The following CTDSPL2 variants were observed in gnomAD, a reference collection of about 807,000 sequenced individuals.
CTDSPL2 encodes CTD small phosphatase like 2, also known as CTD small phosphatase-like protein 2.
CTDSPL2 carries 5 observed loss-of-function variants against 60.0 expected under a neutral mutation model. The ratio of observed to expected loss-of-function variants is 0.08; its 90% confidence interval spans 0.04 to 0.18. The LOEUF (loss-of-function observed/expected upper bound fraction) is 0.18, where lower values mean the gene tolerates loss of function less well. CTDSPL2 is among the 10% of genes least tolerant of loss of function. The pLI, the probability that CTDSPL2 is intolerant of heterozygous loss-of-function variation, is 1.00. For synonymous variants in CTDSPL2, 186 were observed against 189.3 expected (o/e 0.98, Z 0.14); for missense variants, 370 against 548.8 (o/e 0.67, Z 3.26).
rs749019424 is a variant in CTDSPL2 at position 44,486,685 on chromosome 15, C to A, written c.460C>A (p.Pro154Thr). ...TTCACCTGTCTTCAACTTTTTTTCACCAGCAAATAAAAATGGTAAGTATAA... is the reference window on the plus strand; with the variant it reads ...TTCACCTGTCTTCAACTTTTTTTCAACAGCAAATAAAAATGGTAAGTATAA... Reference protein sequence around the residue: ...IFSPVFNFFSPANKNGTSGSD... With the variant: ...IFSPVFNFFSTANKNGTSGSD... The change falls in exon 4 of 13, where the codon CCA becomes ACA. Residue 154 changes from proline to threonine, a missense_variant. This residue lies in a region of CTDSPL2 where 287 missense variants were observed against 296.1 expected (regional missense o/e 0.97). Coordinates refer to ENST00000260327, the MANE Select transcript of CTDSPL2 (RefSeq NM_016396.3). 8.8e-6 allele frequency: 14 copies of A among 1,582,010 alleles called. No individual in the cohort carries two copies. Among genetic ancestry groups the A allele is most frequent in the Non-Finnish European group, 1.2e-5 (14 of 1,169,022 alleles).
At chr15:44,501,865 T>TA in intron 8 of CTDSPL2, 1 of 386,644 alleles carries the variant, frequency 2.6e-6, no homozygotes. Context: ...TTCTGTCTTT[T>TA]AAAAAATAAA....
chr15:44,471,771 T>C (rs1346648100), intron 2 of CTDSPL2, among the ~76,000 whole-genome samples: 1 of 152,104 alleles, frequency 6.6e-6, no homozygotes, highest in African/African-American at 2.4e-5. Context: ...CTCCTAAATT[T>C]CCCCTTCCTC....
At chr15:44,511,639 CG>C (rs936394093) in intron 8 of CTDSPL2, among the ~76,000 whole-genome samples, 4 of 151,938 alleles carry the variant, frequency 2.6e-5, no homozygotes, top group African/African-American at 9.7e-5. Context: ...GAGGCCGAGG[CG>C]GGGAGATCAC....
chr15:44,456,916 G>A (rs1443862395), intron 1 of CTDSPL2, among the ~76,000 whole-genome samples: 4 of 134,972 alleles, frequency 3.0e-5, no homozygotes, highest in Admixed American at 1.7e-4. Flanking sequence ...TCTCACTGTC[G>A]CCCAGGCTGG....
chr15:44,481,747 A>G (rs551625898), intron 2 of CTDSPL2, among the ~76,000 whole-genome samples: 5 of 152,110 alleles, frequency 3.3e-5, no homozygotes, highest in Admixed American at 2.0e-4. Context: ...CTAATTTTGT[A>G]TTTTTAGTAG....
chr15:44,456,856 T>TTTTTTTTTTCTTTTTTTTTTTG (rs1374490824), intron 1 of CTDSPL2, among the ~76,000 whole-genome samples: 2 of 150,934 alleles, frequency 1.3e-5, no homozygotes, highest in South Asian at 4.2e-4. Context: ...TTTAGATCTT[T>TTTTTTTTTTCTTTTTTTTTTTG]TTTTTTTTTC....
chr15:44,464,226 C>T (rs1346477744), intron 2 of CTDSPL2, among the ~76,000 whole-genome samples: 59 of 152,144 alleles, frequency 3.9e-4, no homozygotes, highest in Admixed American at 3.7e-3. Flanking sequence ...GCACTGTCCT[C>T]AGTGTTTAAA....
At chr15:44,496,853 C>T (rs1287359865) in intron 6 of CTDSPL2, among the ~76,000 whole-genome samples, 174 bp from the exon 7 acceptor site, 2 of 152,098 alleles carry the variant, frequency 1.3e-5, no homozygotes, top group Non-Finnish European at 2.9e-5. Context: ...ACAAAAACAG[C>T]TGTTACTATT....
At chr15:44,476,342 A>T (rs1238324870) in intron 2 of CTDSPL2, among the ~76,000 whole-genome samples, 1 of 152,184 alleles carries the variant, frequency 6.6e-6, no homozygotes, top group African/African-American at 2.4e-5. Flanking sequence ...CTGGGATTAC[A>T]GTCGCGAGCC....
intron 3 of CTDSPL2, 125 bp downstream of exon 3, chr15:44,484,487 C>T (rs1480868032): frequency 1.1e-6 from 1 of 924,904 alleles, no homozygotes; most frequent in Non-Finnish European, 1.6e-6. Flanking sequence ...GTAATCCTCA[C>T]ATTTTGGGAG....
intron 3 of CTDSPL2, among the ~76,000 whole-genome samples, chr15:44,484,740 A>AAAAAC (rs1297144319): frequency 1.3e-5 from 2 of 152,214 alleles, no homozygotes; most frequent in Non-Finnish European, 2.9e-5. Flanking sequence ...ACTCTGTCTC[A>AAAAAC]AAAACAAAAC....
At chr15:44,504,311 C>T (rs769032738) in intron 8 of CTDSPL2, among the ~76,000 whole-genome samples, 83 of 152,094 alleles carry the variant, frequency 5.5e-4, no homozygotes, top group Non-Finnish European at 1.1e-3. Flanking sequence ...GATTGCGCCA[C>T]TGCACTCCAG....
At chr15:44,473,126 T>C (rs1015251610) in intron 2 of CTDSPL2, among the ~76,000 whole-genome samples, 4 of 151,850 alleles carry the variant, frequency 2.6e-5, no homozygotes, top group Middle Eastern at 3.2e-3. Flanking sequence ...TAGATACAAG[T>C]CCCTTTTCAG....
Position 44,449,807 on chromosome 15 carries a change from A to G in CTDSPL2, c.-24-9184A>G, listed in dbSNP as rs143844319. ...GGAGTTCAAGACCAGCCTGGCCAAC[A>G]TGGCAAAACCTCGTCTCTACTAAAA... On this transcript the variant is annotated intron_variant, in intron 1 of 12. Coordinates refer to ENST00000260327, the MANE Select transcript of CTDSPL2 (RefSeq NM_016396.3). Among the ~76,000 whole-genome samples, 658 of 152,240 alleles carry G rather than the reference A, an allele frequency of 4.3e-3. 4 individuals carry two copies. Among genetic ancestry groups the G allele is most frequent in the African/African-American group, 0.015 (637 of 41,558 alleles).
chr15:44,526,378 C>T lies in CTDSPL2; in HGVS notation c.*2204C>T, dbSNP rs1037362267. The T allele has an allele frequency of 3.9e-5, 6 of 152,150 alleles. No homozygotes were observed. Among genetic ancestry groups the T allele is most frequent in the Non-Finnish European group, 8.8e-5 (6 of 67,988 alleles). 9.4% of individuals were successfully genotyped at this position (152,150 alleles called of 1,614,324 possible). ...AAAGGGAAATGTAAGCACCTATACT[C>T]TTGTGCCTGTGGGCACTTCAATAAT... On this transcript the variant is annotated 3_prime_UTR_variant, in exon 13 of 13. Coordinates refer to ENST00000260327, the MANE Select transcript of CTDSPL2 (RefSeq NM_016396.3).
chr15:44,451,441 C>G (rs2080333125), intron 1 of CTDSPL2, among the ~76,000 whole-genome samples: 2 of 152,050 alleles, frequency 1.3e-5, no homozygotes, highest in Admixed American at 6.6e-5. Context: ...ATTTTATAAT[C>G]AGAGAAAAGG....
intron 8 of CTDSPL2, 35 bp downstream of exon 8, chr15:44,499,848 T>G: frequency 8.3e-7 from 1 of 1,202,158 alleles, no homozygotes; most frequent in Non-Finnish European, 1.2e-6. Flanking sequence ...TTTGGCCTGA[T>G]AGGTAACATT....
At chr15:44,445,630 AGCTTTTTTTTT>A (rs1480114546) in intron 1 of CTDSPL2, among the ~76,000 whole-genome samples, 4 of 149,728 alleles carry the variant, frequency 2.7e-5, no homozygotes, top group Non-Finnish European at 4.4e-5. Context: ...TTGAAAACAC[AGCTTTTTTTTT>A]GCTTTTTTTT....
intron 5 of CTDSPL2, among the ~76,000 whole-genome samples, chr15:44,495,979 C>T (rs1345581729): frequency 1.3e-5 from 2 of 152,010 alleles, no homozygotes; most frequent in African/African-American, 4.8e-5. Flanking sequence ...TGTCAGCATA[C>T]ATTTACTGAC....
Sources: allele counts gnomAD v4.1 joint callset (sites outside exome capture counted in the v4.1 genomes callset), GRCh38; gene constraint gnomAD v4.1.1; regional missense constraint gnomAD v4.1.1; transcripts MANE v1.5; gene names NCBI Gene and HGNC (gene_info 2026-07-23, HGNC 2026-07-21).